ADCK1: variants seen among roughly 807,000 people sequenced by gnomAD.
ADCK1 encodes aarF domain containing kinase 1.
A neutral mutation model predicts 52.3 loss-of-function variants in ADCK1; 41 were observed. The ratio of observed to expected loss-of-function variants is 0.78; its 90% CI spans 0.61 to 1.02. ADCK1 has a LOEUF of 1.02. ADCK1 is among the 50% of genes least tolerant of loss of function. The pLI, the probability that ADCK1 is intolerant of heterozygous loss-of-function variation, is 0.00. For missense variants in ADCK1, 658 were observed against 679.5 expected (o/e 0.97, Z 0.35); for synonymous variants, 250 against 274.6 (o/e 0.91, Z 0.89).
chr14:77,933,095 A>G lies in ADCK1; in HGVS notation c.1401-125A>G, dbSNP rs2084375964. Reference sequence around the variant, plus strand: ...ATAGTATGATCCTGTATCCAAGAGTAGTCCCTAGGGGCAGGGAGCTGGTGA... The same window carrying G: ...ATAGTATGATCCTGTATCCAAGAGTGGTCCCTAGGGGCAGGGAGCTGGTGA... On this transcript the variant is annotated intron_variant, in intron 10 of 10. Transcript: ENST00000238561. The G allele has an allele frequency of 5.8e-6, 5 of 862,534 alleles. No homozygotes were observed. In the South Asian group the frequency reaches 7.1e-5, roughly 12 times the overall value. 53.4% of individuals were successfully genotyped at this position (862,534 alleles called of 1,614,324 possible).
intron 4 of ADCK1, among the ~76,000 whole-genome samples, chr14:77,882,412 G>A (rs1234826299): frequency 5.3e-5 from 8 of 152,234 alleles, no homozygotes; most frequent in African/African-American, 1.2e-4. Context: ...GCAGGCTTCC[G>A]TCTGCATCTG....
intron 2 of ADCK1, among the ~76,000 whole-genome samples, chr14:77,820,096 G>T (rs1340963141): frequency 6.6e-6 from 1 of 152,086 alleles, no homozygotes; most frequent in Non-Finnish European, 1.5e-5. Flanking sequence ...GCTTTGAGGG[G>T]CAGAAACAAA....
intron 1 of ADCK1, among the ~76,000 whole-genome samples, chr14:77,801,227 A>G (rs1361554027): frequency 1.3e-5 from 2 of 152,196 alleles, no homozygotes; most frequent in Admixed American, 1.3e-4. Flanking sequence ...AGGACCAAGA[A>G]TTGGCGTTTC....
chr14:77,817,401 C>T (rs1300903472), intron 1 of ADCK1, among the ~76,000 whole-genome samples: 7 of 152,254 alleles, frequency 4.6e-5, no homozygotes, highest in South Asian at 2.1e-4. Context: ...GGCTTGGTGG[C>T]GTGCTGCTGC....
intron 3 of ADCK1, among the ~76,000 whole-genome samples, chr14:77,838,886 G>A (rs2082011582): frequency 6.6e-6 from 1 of 152,210 alleles, no homozygotes; most frequent in South Asian, 2.1e-4. Flanking sequence ...GTGGGGTGCT[G>A]GGTGTACAAT....
chr14:77,826,163 A>G (rs2081700249), intron 3 of ADCK1, among the ~76,000 whole-genome samples: 1 of 152,218 alleles, frequency 6.6e-6, no homozygotes, highest in Non-Finnish European at 1.5e-5. Flanking sequence ...AACAGGGTGT[A>G]GGCCCGTCTC....
chr14:77,900,473 G>C, intron 6 of ADCK1: 1 of 390,228 alleles, frequency 2.6e-6, no homozygotes, highest in Non-Finnish European at 5.1e-6. Flanking sequence ...TGTAATCTCA[G>C]CTACTCGGGA....
intron 1 of ADCK1, among the ~76,000 whole-genome samples, chr14:77,818,251 A>G (rs2081505303): frequency 6.6e-6 from 1 of 151,906 alleles, no homozygotes; most frequent in Non-Finnish European, 1.5e-5. Context: ...TGCTTCTAAA[A>G]TAACATTCTT....
intron 7 of ADCK1, among the ~76,000 whole-genome samples, chr14:77,912,431 A>AGT (rs1555358971): frequency 1.9e-5 from 2 of 107,934 alleles, no homozygotes; most frequent in African/African-American, 3.5e-5. Context: ...ACTACGGAGG[A>AGT]GCGTGTGTGT....
intron 7 of ADCK1, among the ~76,000 whole-genome samples, chr14:77,917,129 G>T (rs1474326675): frequency 2.0e-5 from 3 of 152,182 alleles, no homozygotes; most frequent in African/African-American, 7.2e-5. Context: ...GGAGGATGAG[G>T]TGGGAGGATC....
rs377083301 is a variant in ADCK1, at chr14:77,924,547, C to A, written c.949C>A (p.Arg317=). 5 of 1,613,998 alleles carry A rather than the reference C, an allele frequency of 3.1e-6. No homozygotes were observed. In the East Asian group the frequency reaches 1.1e-4, roughly 36 times the overall value. Residue 317 remains arginine (R), a synonymous_variant, in exon 8 of 11, where the codon CGG becomes AGG. Transcript: ENST00000238561. The part of the protein sequence containing the change: ...CDPHPGNVLV[R]KHPGTGKAEI... The stretch of plus-strand genomic sequence containing the variant: ...TCCCCACCCCGGCAATGTACTGGTG[C>A]GGAAGCACCCCGGCACGGGAAAGGC...
At chr14:77,838,160 T>A (rs2081997942) in intron 3 of ADCK1, among the ~76,000 whole-genome samples, 1 of 152,226 alleles carries the variant, frequency 6.6e-6, no homozygotes, top group South Asian at 2.1e-4. Flanking sequence ...TGTCCCTGAA[T>A]AAAACTACTC....
At chr14:77,814,138 G>A (rs912070271) in intron 1 of ADCK1, among the ~76,000 whole-genome samples, 2 of 151,624 alleles carry the variant, frequency 1.3e-5, no homozygotes, top group Non-Finnish European at 2.9e-5. Context: ...GGGTGCAGTG[G>A]CGCAATCTCA....
chr14:77,840,343 T>C (rs2082041560), intron 3 of ADCK1, among the ~76,000 whole-genome samples: 1 of 152,092 alleles, frequency 6.6e-6, no homozygotes, highest in Admixed American at 6.5e-5. Context: ...TTTCCTTTTT[T>C]TTTTTCCATC....
intron 3 of ADCK1, among the ~76,000 whole-genome samples, chr14:77,842,845 T>C (rs1200441357): frequency 6.6e-6 from 1 of 151,718 alleles, no homozygotes; most frequent in Non-Finnish European, 1.5e-5. Flanking sequence ...CCATTGTGCC[T>C]GGTCGAGGGT....
chr14:77,868,787 T>C (rs2082715437), intron 4 of ADCK1, among the ~76,000 whole-genome samples: 1 of 152,180 alleles, frequency 6.6e-6, no homozygotes, highest in African/African-American at 2.4e-5. Flanking sequence ...ACCTAGAGAA[T>C]ACAGATTTGT....
At chr14:77,809,295 G>A (rs1305665840) in intron 1 of ADCK1, among the ~76,000 whole-genome samples, 1 of 152,100 alleles carries the variant, frequency 6.6e-6, no homozygotes, top group Non-Finnish European at 1.5e-5. Context: ...GGCAAGATAT[G>A]ATGGCCTACT....
intron 10 of ADCK1, among the ~76,000 whole-genome samples, chr14:77,932,603 G>A (rs991876344): frequency 6.6e-6 from 1 of 152,122 alleles, no homozygotes; most frequent in Non-Finnish European, 1.5e-5. Flanking sequence ...ATTTGACCAC[G>A]TATATCACGT....
chr14:77,826,768 C>T (rs1298318378), intron 3 of ADCK1, among the ~76,000 whole-genome samples: 1 of 152,130 alleles, frequency 6.6e-6, no homozygotes, highest in African/African-American at 2.4e-5. Flanking sequence ...ATAAACTTTC[C>T]TCTGGGGAGC....
Sources: allele counts gnomAD v4.1 joint callset (sites outside exome capture counted in the v4.1 genomes callset), GRCh38; gene constraint gnomAD v4.1.1; transcripts MANE v1.5; gene names NCBI Gene and HGNC (gene_info 2026-07-23, HGNC 2026-07-21).